STIM1: variants seen among roughly 807,000 people sequenced by gnomAD.
STIM1 encodes the protein stromal interaction molecule 1.
Under a neutral mutation model 74.7 loss-of-function variants are expected in STIM1, and 25 were observed. The observed-to-expected ratio is 0.33, with a 90% CI of 0.24 to 0.47. The LOEUF (loss-of-function observed/expected upper bound fraction) is 0.47. Among genes scored for constraint, STIM1 ranks in the 20% least tolerant of loss-of-function variants. The probability of loss-of-function intolerance (pLI) is 1.00; values close to 1 mark genes in which losing one functional copy is unlikely to be tolerated. For synonymous variants in STIM1, 328 were observed against 348.8 expected (o/e 0.94, Z 0.66); for missense variants, 728 against 920.8 (o/e 0.79, Z 2.71).
intron 1 of STIM1, among the ~76,000 whole-genome samples, chr11:3,890,384 A>G (rs2091857736): frequency 6.6e-6 from 1 of 152,178 alleles, no homozygotes; most frequent in Admixed American, 6.5e-5. Context: ...TGCTGAAGGT[A>G]ATTTATGGTA....
At chr11:4,070,313 C>T in intron 6 of STIM1, 110 bp downstream of exon 6, 3 of 1,260,240 alleles carry the variant, frequency 2.4e-6, no homozygotes, top group Non-Finnish European at 3.4e-6. Flanking sequence ...GCATGGCAGC[C>T]CAGGCTGCAT....
chr11:3,943,294 A>C (rs147934396), intron 1 of STIM1, among the ~76,000 whole-genome samples: 2 of 152,312 alleles, frequency 1.3e-5, no homozygotes, highest in East Asian at 3.9e-4. Context: ...GGGACTACTC[A>C]CATGATAAGA....
chr11:4,046,215 C>T (rs949455880), intron 3 of STIM1, among the ~76,000 whole-genome samples: 2 of 151,856 alleles, frequency 1.3e-5, no homozygotes, highest in African/African-American at 4.8e-5. Flanking sequence ...CAGGCACGCA[C>T]CACCCCTCAA....
intron 1 of STIM1, among the ~76,000 whole-genome samples, chr11:3,897,685 C>T (rs994657572): frequency 2.0e-5 from 3 of 150,598 alleles, no homozygotes; most frequent in Non-Finnish European, 4.4e-5. Flanking sequence ...CCACAACAGT[C>T]CCCAGAGTGT....
chr11:3,881,731 T>A (rs1318186489), intron 1 of STIM1, among the ~76,000 whole-genome samples: 4 of 152,130 alleles, frequency 2.6e-5, no homozygotes, highest in Non-Finnish European at 1.5e-5. Context: ...TAGCCCAGGC[T>A]GGAGTGCAGT....
intron 1 of STIM1, among the ~76,000 whole-genome samples, chr11:3,885,377 G>A (rs1590526145): frequency 6.6e-6 from 1 of 151,976 alleles, no homozygotes; most frequent in African/African-American, 2.4e-5. Context: ...TGTAGAGACA[G>A]GGTTTTGCCA....
chr11:4,013,772 T>C (rs1044765146), intron 2 of STIM1, among the ~76,000 whole-genome samples: 4 of 145,696 alleles, frequency 2.7e-5, no homozygotes, highest in Non-Finnish European at 6.0e-5. Context: ...TGGCATGATC[T>C]TGGCTCACTG....
At chr11:3,892,879 G>A (rs2091940601) in intron 1 of STIM1, 4 of 1,559,780 alleles carry the variant, frequency 2.6e-6, no homozygotes, top group Admixed American at 1.7e-5. Flanking sequence ...ACACGGTGGG[G>A]TTAACCACGG....
chr11:4,051,173 C>T (rs879875150), intron 3 of STIM1, among the ~76,000 whole-genome samples: 7 of 152,118 alleles, frequency 4.6e-5, no homozygotes, highest in Non-Finnish European at 1.0e-4. Flanking sequence ...TGAACGGTGT[C>T]ACTGTAACTA....
intron 2 of STIM1, among the ~76,000 whole-genome samples, chr11:4,010,241 A>G (rs2093823101): frequency 6.8e-6 from 1 of 147,502 alleles, no homozygotes; most frequent in Admixed American, 6.8e-5. Context: ...CATGATCTCG[A>G]CTCACTACAA....
chr11:3,864,646 A>G (rs1418242577), intron 1 of STIM1, among the ~76,000 whole-genome samples: 1 of 152,126 alleles, frequency 6.6e-6, no homozygotes, highest in East Asian at 1.9e-4. Context: ...CACTTCTTCT[A>G]TATTGTGTTT....
chr11:3,904,706 A>AG (rs1255271096), intron 1 of STIM1, among the ~76,000 whole-genome samples: 1 of 152,156 alleles, frequency 6.6e-6, no homozygotes, highest in Non-Finnish European at 1.5e-5. Flanking sequence ...GTGTGACGGA[A>AG]GGATGAAGGA....
rs564424029 is a variant in STIM1, at chr11:3,972,744, C to T, written c.270+5062C>T. The T allele has an allele frequency of 1.0e-3, 452 of 453,558 alleles. 4 individuals carry two copies. Among genetic ancestry groups the T allele is most frequent in the African/African-American group, 8.0e-3 (398 of 50,028 alleles). 28.1% of individuals were successfully genotyped at this position (453,558 alleles called of 1,614,324 possible). ...GCTGAGTTCACAAATCTGTTGTAAC[C>T]TGTAGCTTCTTTGTCACTTCTCTGG... On this transcript the variant is annotated intron_variant, in intron 2 of 12. Transcript: ENST00000526596.
intron 10 of STIM1, among the ~76,000 whole-genome samples, chr11:4,084,408 C>G (rs1469591665): frequency 6.6e-6 from 1 of 152,142 alleles, no homozygotes; most frequent in Non-Finnish European, 1.5e-5. Flanking sequence ...TACTTTGCCC[C>G]TGGCCAAGCC....
intron 3 of STIM1, among the ~76,000 whole-genome samples, chr11:4,024,607 C>T (rs2093984022): frequency 1.3e-5 from 2 of 152,172 alleles, no homozygotes; most frequent in Non-Finnish European, 1.5e-5. Flanking sequence ...CTGCAGACCT[C>T]CAAGTGTGAT....
chr11:3,886,870 C>T (rs962830982), intron 1 of STIM1, among the ~76,000 whole-genome samples: 14 of 151,596 alleles, frequency 9.2e-5, no homozygotes, highest in South Asian at 6.3e-4. Flanking sequence ...GGTGTGGTGG[C>T]GGGTGCCTGT....
chr11:4,086,946 A>G, intron 12 of STIM1: 1 of 1,475,018 alleles, frequency 6.8e-7, no homozygotes, highest in Non-Finnish European at 9.0e-7. Flanking sequence ...CTGCTGCTTG[A>G]TCAACTCTGG....
intron 2 of STIM1, among the ~76,000 whole-genome samples, chr11:3,980,686 A>ACAACAACAAC (rs1319797329): frequency 0.025 from 3,829 of 150,848 alleles, 128 homozygotes; most frequent in East Asian, 0.13. Context: ...ACAACAAAAA[A>ACAACAACAAC]AAACAAATAG....
At chr11:3,986,824 T>C (rs2093562015) in intron 2 of STIM1, among the ~76,000 whole-genome samples, 1 of 152,174 alleles carries the variant, frequency 6.6e-6, no homozygotes, top group Non-Finnish European at 1.5e-5. Flanking sequence ...AAAATATCCT[T>C]TGTAAACCAT....
Sources: gnomAD v4.1 joint callset for allele counts (sites outside exome capture counted in the v4.1 genomes callset) on GRCh38, gnomAD v4.1.1 for gene constraint, MANE v1.5 for transcripts, NCBI Gene and HGNC (gene_info 2026-07-23, HGNC 2026-07-21) for gene names.